The following KHDC4 variants were observed in gnomAD, a reference collection of about 807,000 sequenced individuals.
KHDC4 encodes KH domain containing 4, pre-mRNA splicing factor.
Under a neutral mutation model 74.5 loss-of-function variants are expected in KHDC4, and 19 were observed. That is an observed-to-expected ratio of 0.26 (90% CI 0.18 to 0.37). The LOEUF (loss-of-function observed/expected upper bound fraction) is 0.37, where lower values mean the gene tolerates loss of function less well. KHDC4 is among the 10% of genes least tolerant of loss of function. The probability of loss-of-function intolerance (pLI) is 1.00; values close to 1 mark genes in which losing one functional copy is unlikely to be tolerated. For synonymous variants in KHDC4, 253 were observed against 266.1 expected, an observed-to-expected ratio of 0.95 and a Z score of 0.48; for missense variants, 632 against 754.1, an observed-to-expected ratio of 0.84 and a Z score of 1.90.
chr1:155,933,683 TG>T lies in KHDC4; in HGVS notation c.204del (p.Met69CysfsTer8). ...AAAAVAAKINAMLMAKGKLKP... is the reference protein window; with the variant it reads ...AAAAVAAKINXMLMAKGKLKP... ...TTCAGCTTCCCTTTTGCCATGAGCA[TG>T]GCATTAATCTTGGCAGCCACAGCAG... On this transcript the variant is annotated frameshift_variant, in exon 2 of 14. Coordinates refer to ENST00000368321, the MANE Select transcript of KHDC4 (RefSeq NM_014949.4). LOFTEE classifies it high-confidence loss of function. 1 of 1,612,710 alleles carries T rather than the reference TG, an allele frequency of 6.2e-7. No homozygotes were observed. The highest frequency in any genetic ancestry group is 8.5e-7 in the Non-Finnish European group (1 of 1,178,872).
intron 7 of KHDC4, 106 bp downstream of exon 7, chr1:155,925,526 A>G: frequency 1.2e-6 from 1 of 808,904 alleles, no homozygotes; most frequent in South Asian, 1.5e-5. Context: ...TAAATCCCTC[A>G]TTACTATTAA....
At chr1:155,929,872 TTTA>T (rs769707605) in intron 2 of KHDC4, 32 bp from the exon 3 acceptor site, 13 of 1,485,482 alleles carry the variant, frequency 8.8e-6, no homozygotes, top group Non-Finnish European at 1.2e-5. Flanking sequence ...TTAAAAAGTT[TTTA>T]TGATGAGATA....
chr1:155,929,204 T>C (rs2102608321), intron 4 of KHDC4, 92 bp downstream of exon 4: 1 of 856,524 alleles, frequency 1.2e-6, no homozygotes, highest in Non-Finnish European at 2.0e-6. Flanking sequence ...GAATCAAATA[T>C]TGTGTACACG....
intron 13 of KHDC4, 88 bp downstream of exon 13, chr1:155,915,785 G>A (rs752280831): frequency 2.4e-6 from 2 of 816,578 alleles, no homozygotes; most frequent in Admixed American, 5.2e-5. Flanking sequence ...GGGATTACAG[G>A]CGTGAGCCAC....
In KHDC4 at chr1:155,925,580, G is replaced by C; in HGVS notation, c.893+52C>G. Reference sequence around the variant, plus strand: ...TGCTCCTTCTGAATCACTCCTGACTGTACCAACAAGTTGACAAGAATTCAC... The same window carrying C: ...TGCTCCTTCTGAATCACTCCTGACTCTACCAACAAGTTGACAAGAATTCAC... On this transcript the variant is annotated intron_variant, in intron 7 of 13. Coordinates refer to ENST00000368321, the MANE Select transcript of KHDC4 (RefSeq NM_014949.4). 4 of 1,457,788 alleles carry C rather than the reference G, an allele frequency of 2.7e-6. No individual in the cohort carries two copies. In the South Asian group the frequency reaches 4.6e-5, roughly 17 times the overall value. 90.3% of individuals were successfully genotyped at this position (1,457,788 alleles called of 1,614,324 possible).
Position 155,925,862 on chromosome 1 carries a change from A to G in KHDC4, c.682-19T>C, listed in dbSNP as rs377061715. The G allele has an allele frequency of 6.8e-5, 103 of 1,520,784 alleles. No homozygotes were observed. Among genetic ancestry groups the G allele is most frequent in the Non-Finnish European group, 9.0e-5 (99 of 1,095,746 alleles). 94.2% of individuals were successfully genotyped at this position (1,520,784 alleles called of 1,614,324 possible). ...AATGCATCTGTAGGAAGAACAGAAT[A>G]CTTCAGATTAAACAGAATATATAAT... On this transcript the variant is annotated intron_variant, in intron 6 of 13. Coordinates refer to ENST00000368321, the MANE Select transcript of KHDC4 (RefSeq NM_014949.4).
intron 10 of KHDC4, among the ~76,000 whole-genome samples, chr1:155,918,971 G>T (rs1193919792): frequency 1.9e-5 from 2 of 107,450 alleles, no homozygotes; most frequent in Non-Finnish European, 1.8e-5. Context: ...CTAACTCCCA[G>T]TTTTTTTTTT....
chr1:155,928,302 A>G (rs1674064976), intron 4 of KHDC4, among the ~76,000 whole-genome samples: 1 of 152,024 alleles, frequency 6.6e-6, no homozygotes, highest in South Asian at 2.1e-4. Context: ...TGAACCCAGG[A>G]GGCAGAGGTT....
At chr1:155,920,444 A>T (rs1673836853) in intron 10 of KHDC4, among the ~76,000 whole-genome samples, 6 of 152,208 alleles carry the variant, frequency 3.9e-5, no homozygotes. Context: ...CTCAAAAAAA[A>T]AATTTTTTTA....
chr1:155,931,290 CAAAAAA>C (rs55769714), intron 2 of KHDC4, among the ~76,000 whole-genome samples: 1 of 109,660 alleles, frequency 9.1e-6, no homozygotes. Context: ...ACTCTATCAC[CAAAAAA>C]AAAAAAAAAA....
chr1:155,917,987 TAGCTTTCTGTAATA>T (rs1407288572), intron 10 of KHDC4, among the ~76,000 whole-genome samples: 4 of 152,242 alleles, frequency 2.6e-5, no homozygotes, highest in African/African-American at 4.8e-5. Context: ...TCGATGTGAT[TAGCTTTCTGTAATA>T]AGCTTTCTGT....
Position 155,924,092 on chromosome 1 carries a change from C to T in KHDC4, c.894-405G>A, listed in dbSNP as rs573560218. The stretch of plus-strand genomic sequence containing the variant: ...CAGCACTTTGGGAGACCGAGACAGG[C>T]GGATCACGAGGTCAGGAGATCGAGA... On this transcript the variant is annotated intron_variant, in intron 7 of 13. Transcript: ENST00000368321. Among the ~76,000 whole-genome samples, 312 of 152,126 alleles carry T rather than the reference C, an allele frequency of 2.1e-3. 5 individuals are homozygous for T. Among genetic ancestry groups the T allele is most frequent in the Non-Finnish European group, 2.5e-4 (17 of 67,982 alleles).
At chr1:155,925,349 G>T (rs1382524747) in intron 7 of KHDC4, among the ~76,000 whole-genome samples, 1 of 151,356 alleles carries the variant, frequency 6.6e-6, no homozygotes, top group Non-Finnish European at 1.5e-5. Context: ...AAATTTTTTT[G>T]GAGAGATGGG....
At chr1:155,919,294 G>A (rs1170613633) in intron 10 of KHDC4, among the ~76,000 whole-genome samples, 3 of 152,032 alleles carry the variant, frequency 2.0e-5, no homozygotes, top group African/African-American at 7.2e-5. Context: ...TAACCACTCT[G>A]CTGTATTGCT....
At chr1:155,916,092 C>T (rs532934505) in intron 12 of KHDC4, 128 bp from the exon 13 acceptor site, 22 of 646,628 alleles carry the variant, frequency 3.4e-5, no homozygotes, top group African/African-American at 2.9e-4. Context: ...ATTTCAACCC[C>T]TTCCACCTTC....
intron 4 of KHDC4, among the ~76,000 whole-genome samples, chr1:155,927,959 G>A (rs1034143695): frequency 6.6e-6 from 1 of 151,548 alleles, no homozygotes; most frequent in African/African-American, 2.4e-5. Context: ...TAAATGTGAA[G>A]AGGACTTAAA....
chr1:155,916,619 A>G lies in KHDC4; in HGVS notation c.1553+6T>C, dbSNP rs777918843. ...TGAATACATTTGCATAATTATTCCA[A>G]CTTACCTGTCCCTCTCTCTCTCTTT... On this transcript the variant is annotated splice_donor_region_variant and intron_variant, in intron 12 of 13. Transcript: ENST00000368321. The G allele has an allele frequency of 4.4e-6, 7 of 1,589,054 alleles. No homozygotes were observed. The highest frequency in any genetic ancestry group is 5.2e-6 in the Non-Finnish European group (6 of 1,159,476).
At chr1:155,923,751 T>C in intron 7 of KHDC4, 64 bp from the exon 8 acceptor site, 1 of 1,268,370 alleles carries the variant, frequency 7.9e-7, no homozygotes, top group Admixed American at 1.7e-5. Flanking sequence ...GAATTCTGCT[T>C]TCATTTTCCA....
rs773608166 is a variant in KHDC4 at position 155,933,845 on chromosome 1, G to A, written c.43C>T (p.Arg15Cys). ...GGAGCTGGTTGGTCCCATTTGCTGC[G>A]GCGCCTACATGGAGAAAAAGGAAAA... ...SATHPGAGGR[R>C]SKWDQPAPAP... Residue 15 changes from arginine to cysteine, a missense_variant, in exon 2 of 14, where the codon CGC becomes TGC. Arg to Cys is a radical substitution (Grantham distance 180). Transcript: ENST00000368321. 1.9e-6 allele frequency: 3 copies of A among 1,542,306 alleles called. No individual in the cohort carries two copies. The highest frequency in any genetic ancestry group is 2.6e-6 in the Non-Finnish European group (3 of 1,141,184).
Sources: gnomAD v4.1 joint callset for allele counts (sites outside exome capture counted in the v4.1 genomes callset) on GRCh38, gnomAD v4.1.1 for gene constraint, MANE v1.5 for transcripts, NCBI Gene and HGNC (gene_info 2026-07-23, HGNC 2026-07-21) for gene names.